Variants in LRP1B observed in about 807,000 individuals in gnomAD.
The protein encoded by LRP1B is LDL receptor related protein 1B.
Under a neutral mutation model 556.6 loss-of-function variants are expected in LRP1B, and 217 were observed. That is an observed-to-expected ratio of 0.39 (90% CI 0.35 to 0.44). The LOEUF is 0.44. Ranked by LOEUF, LRP1B falls within the 20% of genes least tolerant of loss-of-function variation. LRP1B has a pLI of 1.00. For missense variants in LRP1B, 5,053 were observed against 5,620.8 expected, an observed-to-expected ratio of 0.90 and a Z score of 3.23; for synonymous variants, 2,047 against 1,865.8, an observed-to-expected ratio of 1.10 and a Z score of -2.50.
rs182280134 is a variant in LRP1B, at chr2:141,677,159, C to T, written c.205+133120G>A. 9.9e-5 allele frequency among the ~76,000 whole-genome samples: 15 copies of T among 152,014 alleles called. No individual in the cohort carries two copies. In the East Asian group the frequency reaches 1.2e-3, roughly 12 times the overall value. ...AACATTTCAACTGATACCTGAAGAA[C>T]GAATACAAATTCCACAGGAAAATGG... On this transcript the variant is annotated intron_variant, in intron 2 of 90. Coordinates refer to ENST00000389484, the MANE Select transcript of LRP1B (RefSeq NM_018557.3).
chr2:141,741,631 T>C (rs1693710132), intron 2 of LRP1B, among the ~76,000 whole-genome samples: 1 of 152,218 alleles, frequency 6.6e-6, no homozygotes, highest in Non-Finnish European at 1.5e-5. Context: ...TTGCCCATTT[T>C]TAAATCAGAT....
chr2:140,687,718 T>C (rs1686099468), intron 41 of LRP1B, among the ~76,000 whole-genome samples: 1 of 152,162 alleles, frequency 6.6e-6, no homozygotes, highest in South Asian at 2.1e-4. Context: ...TGTTTATTCT[T>C]GCATATAAGT....
chr2:141,602,850 C>T (rs1267943841), intron 2 of LRP1B, among the ~76,000 whole-genome samples: 1 of 152,148 alleles, frequency 6.6e-6, no homozygotes, highest in African/African-American at 2.4e-5. Flanking sequence ...TTGGGCAGTC[C>T]TCATAACTAA....
intron 7 of LRP1B, among the ~76,000 whole-genome samples, chr2:141,116,841 A>G (rs16845476): frequency 0.12 from 18,871 of 151,940 alleles, 1,373 homozygotes; most frequent in African/African-American, 0.2. Flanking sequence ...ATGACTTTCC[A>G]TAGTCTTACC....
rs772936637 is a variant in LRP1B, at chr2:140,868,060, G to GT, written c.4334+38dup. On this transcript the variant is annotated intron_variant, in intron 26 of 90. Coordinates refer to ENST00000389484, the MANE Select transcript of LRP1B (RefSeq NM_018557.3). ...TTCCAATGTTGTAAATATTATCTAA[G>GT]TAAAAAAAAAAATACAGAAAAGAGA... 6.2e-5 allele frequency: 94 copies of GT among 1,524,194 alleles called. No homozygotes were observed. In the East Asian group the frequency reaches 2.0e-3, roughly 33 times the overall value. 94.4% of individuals were successfully genotyped at this position (1,524,194 alleles called of 1,614,324 possible). A position where few individuals can be genotyped will look rare whatever the true frequency, so the allele number is the denominator to read the frequency against.
intron 2 of LRP1B, among the ~76,000 whole-genome samples, chr2:141,510,752 C>T (rs1223940460): frequency 6.6e-6 from 1 of 151,886 alleles, no homozygotes; most frequent in Non-Finnish European, 1.5e-5. Context: ...GTTGCCTGCT[C>T]AGTTACTGAT....
intron 1 of LRP1B, among the ~76,000 whole-genome samples, chr2:142,110,712 T>C (rs963535105): frequency 2.0e-5 from 3 of 152,180 alleles, no homozygotes; most frequent in Non-Finnish European, 2.9e-5. Flanking sequence ...TTTTAGGAAC[T>C]ATTTTTAAAG....
intron 1 of LRP1B, among the ~76,000 whole-genome samples, chr2:141,856,302 G>A (rs1698048443): frequency 6.6e-6 from 1 of 152,072 alleles, no homozygotes; most frequent in East Asian, 1.9e-4. Context: ...CAATTCTATA[G>A]TCTAAGCGTT....
At chr2:141,035,879 T>C (rs958617876) in intron 11 of LRP1B, among the ~76,000 whole-genome samples, 26 of 152,118 alleles carry the variant, frequency 1.7e-4, no homozygotes, top group African/African-American at 6.3e-4. Context: ...TTCACGGAAG[T>C]GCTCAACTAT....
At chr2:142,085,766 T>G (rs902787312) in intron 1 of LRP1B, among the ~76,000 whole-genome samples, 5 of 152,212 alleles carry the variant, frequency 3.3e-5, no homozygotes, top group Non-Finnish European at 7.3e-5. Flanking sequence ...AACTCATATC[T>G]TCAATCCCCC....
intron 43 of LRP1B, among the ~76,000 whole-genome samples, chr2:140,562,320 C>G (rs1159090630): frequency 6.6e-6 from 1 of 152,076 alleles, no homozygotes; most frequent in Non-Finnish European, 1.5e-5. Context: ...ATAATGGAAA[C>G]TGATAAAAAC....
At chr2:141,753,955 CTGA>C (rs1694230691) in intron 2 of LRP1B, among the ~76,000 whole-genome samples, 1 of 152,040 alleles carries the variant, frequency 6.6e-6, no homozygotes, top group Non-Finnish European at 1.5e-5. Flanking sequence ...GATATTTTAA[CTGA>C]TATTTGCCAA....
chr2:141,123,210 G>C (rs1157752328), intron 7 of LRP1B, among the ~76,000 whole-genome samples: 2 of 149,208 alleles, frequency 1.3e-5, no homozygotes, highest in Non-Finnish European at 3.0e-5. Flanking sequence ...TCTGCACATT[G>C]TACACATGTA....
intron 3 of LRP1B, among the ~76,000 whole-genome samples, chr2:141,332,718 AT>A (rs34784852): frequency 0.021 from 3,108 of 146,302 alleles, 57 homozygotes; most frequent in Non-Finnish European, 0.034. Context: ...GTTTTGCCTT[AT>A]TTTTTTATAT....
chr2:141,658,328 G>T (rs1008214241), intron 2 of LRP1B, among the ~76,000 whole-genome samples: 3 of 152,170 alleles, frequency 2.0e-5, no homozygotes, highest in Admixed American at 2.0e-4. Context: ...TATCTCCACA[G>T]GAGTTAGTTT....
At chr2:140,438,601 T>C (rs781493688) in intron 66 of LRP1B, among the ~76,000 whole-genome samples, 4 of 152,180 alleles carry the variant, frequency 2.6e-5, no homozygotes, top group Non-Finnish European at 5.9e-5. Context: ...CTCAGTGTCA[T>C]GTTGGGAAAG....
chr2:141,468,301 C>T (rs2105062379), intron 3 of LRP1B, among the ~76,000 whole-genome samples: 1 of 152,232 alleles, frequency 6.6e-6, no homozygotes. Context: ...ATGACTAGTG[C>T]AAACCTCATC....
At chr2:140,729,486 A>G (rs1254073545) in intron 35 of LRP1B, among the ~76,000 whole-genome samples, 1 of 152,196 alleles carries the variant, frequency 6.6e-6, no homozygotes, top group Non-Finnish European at 1.5e-5. Context: ...CACAGCTATT[A>G]TAATAAACTA....
chr2:141,901,009 G>A (rs898455741), intron 1 of LRP1B, among the ~76,000 whole-genome samples: 1 of 151,924 alleles, frequency 6.6e-6, no homozygotes, highest in African/African-American at 2.4e-5. Flanking sequence ...ATTACATCCT[G>A]AGAAAGTGTA....
Sources: gnomAD v4.1 joint callset for allele counts (sites outside exome capture counted in the v4.1 genomes callset) on GRCh38, gnomAD v4.1.1 for gene constraint, MANE v1.5 for transcripts, NCBI Gene and HGNC (gene_info 2026-07-23, HGNC 2026-07-21) for gene names.